EPB41L5: variants seen among roughly 807,000 people sequenced by gnomAD.
The protein encoded by EPB41L5 is erythrocyte membrane protein band 4.1 like 5, also known as band 4.1-like protein 5.
Under a neutral mutation model 106.6 loss-of-function variants are expected in EPB41L5, and 55 were observed. The ratio of observed to expected loss-of-function variants is 0.52; its 90% CI spans 0.42 to 0.65. The LOEUF is 0.65. Ranked by LOEUF, EPB41L5 falls within the 30% of genes least tolerant of loss-of-function variation. The probability of loss-of-function intolerance (pLI) is 0.00; values close to 1 mark genes in which losing one functional copy is unlikely to be tolerated. For synonymous variants in EPB41L5, 297 were observed against 306.7 expected, an observed-to-expected ratio of 0.97 and a Z score of 0.33; for missense variants, 871 against 882.1, an observed-to-expected ratio of 0.99 and a Z score of 0.16.
Position 120,088,352 on chromosome 2 carries a change from A to G in EPB41L5, c.873+1112A>G, listed in dbSNP as rs565179273. Among the ~76,000 whole-genome samples the G allele has an allele frequency of 1.2e-4, 18 of 152,306 alleles. No individual in the cohort carries two copies. In the South Asian group the frequency reaches 3.7e-3, roughly 32 times the overall value. ...GCAAGAAGAGAAAACCAAATACTACATGCTCTTACTTACAAGTGGGAGCTA... is the reference window on the plus strand; with the variant it reads ...GCAAGAAGAGAAAACCAAATACTACGTGCTCTTACTTACAAGTGGGAGCTA... On this transcript the variant is annotated intron_variant, in intron 11 of 24. Transcript: ENST00000263713.
At chr2:120,174,803 A>G (rs752564030) in intron 24 of EPB41L5, 38 bp from the exon 25 acceptor site, 25 of 1,598,326 alleles carry the variant, frequency 1.6e-5, no homozygotes, top group Non-Finnish European at 2.0e-5. Context: ...TCCAAACCCC[A>G]GGGGTTCCCT....
At chr2:120,104,383 T>G (rs1257630956) in intron 16 of EPB41L5, 12 of 1,393,192 alleles carry the variant, frequency 8.6e-6, no homozygotes, top group Non-Finnish European at 1.1e-5. Context: ...TGTTTGTAAT[T>G]GAATTCTTCC....
chr2:120,129,775 G>A (rs1330562836), intron 17 of EPB41L5, among the ~76,000 whole-genome samples: 1 of 152,220 alleles, frequency 6.6e-6, no homozygotes, highest in Non-Finnish European at 1.5e-5. Flanking sequence ...AACCTTGGAT[G>A]AGCAATTTGC....
intron 2 of EPB41L5, among the ~76,000 whole-genome samples, chr2:120,029,173 T>C (rs915385033): frequency 6.6e-6 from 1 of 152,058 alleles, no homozygotes; most frequent in Non-Finnish European, 1.5e-5. Flanking sequence ...TTGTTGTTGT[T>C]GTTGTTTCTG....
intron 2 of EPB41L5, among the ~76,000 whole-genome samples, chr2:120,038,217 T>C (rs72840487): frequency 0.046 from 6,996 of 152,192 alleles, 228 homozygotes; most frequent in Non-Finnish European, 0.072. Context: ...GGCAAAGAAC[T>C]TACACATTTC....
intron 20 of EPB41L5, among the ~76,000 whole-genome samples, chr2:120,158,882 T>G (rs1015745086): frequency 1.1e-4 from 16 of 152,162 alleles, no homozygotes; most frequent in Admixed American, 5.2e-4. Flanking sequence ...ATAAACAACT[T>G]CAGCAAAGTC....
chr2:120,170,275 T>G (rs1467079510), intron 24 of EPB41L5, among the ~76,000 whole-genome samples: 2 of 152,258 alleles, frequency 1.3e-5, no homozygotes, highest in African/African-American at 4.8e-5. Flanking sequence ...ACTTAGCAGC[T>G]TCAAACAATA....
chr2:120,129,323 A>C (rs991800225), intron 17 of EPB41L5, among the ~76,000 whole-genome samples: 6 of 147,494 alleles, frequency 4.1e-5, no homozygotes, highest in Non-Finnish European at 4.5e-5. Flanking sequence ...GCCACAGAGC[A>C]AGACTCTGTC....
intron 2 of EPB41L5, among the ~76,000 whole-genome samples, chr2:120,029,667 C>T (rs1257486722): frequency 6.6e-6 from 1 of 152,146 alleles, no homozygotes; most frequent in Non-Finnish European, 1.5e-5. Context: ...TGTAAGTCCC[C>T]AAACTAATGC....
At chr2:120,158,672 C>A (rs1687005788) in intron 20 of EPB41L5, among the ~76,000 whole-genome samples, 1 of 152,174 alleles carries the variant, frequency 6.6e-6, no homozygotes, top group Non-Finnish European at 1.5e-5. Context: ...CCCTTGAGAA[C>A]TGGCACAAGA....
At position 120,106,646 on chromosome 2, in the gene EPB41L5, C is replaced by T. The variant is rs898809549; in HGVS notation, c.1337+5832C>T. On this transcript the variant is annotated intron_variant, in intron 16 of 24. Coordinates refer to ENST00000263713, the MANE Select transcript of EPB41L5 (RefSeq NM_020909.4). ...CAGTGCTTTGGCTAATTTTATTTAA[C>T]TTAATTAATTTAACATCTTGAATTA... 3.0e-6 allele frequency: 3 copies of T among 984,254 alleles called. No individual in the cohort carries two copies. The African/African-American group carries it at 5.2e-5, about 17-fold the overall frequency. 61.0% of individuals were successfully genotyped at this position (984,254 alleles called of 1,614,324 possible).
At chr2:120,062,546 GATT>G (rs1162474082) in intron 3 of EPB41L5, among the ~76,000 whole-genome samples, 1 of 152,124 alleles carries the variant, frequency 6.6e-6, no homozygotes, top group East Asian at 1.9e-4. Context: ...AAAGCTGTTT[GATT>G]ATATTTACAA....
intron 2 of EPB41L5, among the ~76,000 whole-genome samples, chr2:120,036,083 C>G (rs1411940669): frequency 3.3e-5 from 5 of 152,122 alleles, no homozygotes. Context: ...GGTGTGATAG[C>G]AATAACTCAG....
At chr2:120,142,112 T>TC (rs1220315527) in intron 18 of EPB41L5, among the ~76,000 whole-genome samples, 1 of 95,856 alleles carries the variant, frequency 1.0e-5, no homozygotes, top group African/African-American at 3.2e-5. Context: ...GCTTTCTTTT[T>TC]TAAAAAAAAA....
chr2:120,056,411 G>T (rs1223523790), intron 3 of EPB41L5, among the ~76,000 whole-genome samples: 2 of 151,806 alleles, frequency 1.3e-5, no homozygotes, highest in Non-Finnish European at 2.9e-5. Flanking sequence ...CGATTCTCCT[G>T]CCTCAGCCTC....
At chr2:120,031,668 T>A (rs76436987) in intron 2 of EPB41L5, among the ~76,000 whole-genome samples, 5,226 of 152,306 alleles carry the variant, frequency 0.034, 298 homozygotes, top group African/African-American at 0.12. Flanking sequence ...ACTCTGACCA[T>A]CCTGGACCTT....
At chr2:120,067,472 A>T (rs568679496) in intron 3 of EPB41L5, among the ~76,000 whole-genome samples, 2 of 152,280 alleles carry the variant, frequency 1.3e-5, no homozygotes, top group Non-Finnish European at 2.9e-5. Context: ...TCTTAGTTGG[A>T]TGTGTGTGTC....
At chr2:120,118,692 T>C (rs1685067378) in intron 16 of EPB41L5, among the ~76,000 whole-genome samples, 1 of 152,260 alleles carries the variant, frequency 6.6e-6, no homozygotes, top group African/African-American at 2.4e-5. Flanking sequence ...TTTTTATGAC[T>C]GCGTAGTATT....
At position 120,017,001 on chromosome 2, in the gene EPB41L5, A is replaced by G. The variant is rs543439554; in HGVS notation, c.-8-2076A>G. Among the ~76,000 whole-genome samples the G allele has an allele frequency of 7.5e-4, 114 of 152,364 alleles. 1 individual carries two copies. The highest frequency in any genetic ancestry group is 2.5e-3 in the African/African-American group (105 of 41,586). On this transcript the variant is annotated intron_variant, in intron 1 of 24. Transcript: ENST00000263713. ...TTTACCTAATTACGCAAGAGTATAC[A>G]TGTGTAAAATGTGTAGGCTAATCTT... is the stretch of plus-strand genomic sequence containing the variant.
Sources: gnomAD v4.1 joint callset for allele counts (sites outside exome capture counted in the v4.1 genomes callset) on GRCh38, gnomAD v4.1.1 for gene constraint, MANE v1.5 for transcripts, NCBI Gene and HGNC (gene_info 2026-07-23, HGNC 2026-07-21) for gene names.